Variants in FBLN7 observed in about 807,000 individuals in gnomAD.
FBLN7 encodes the protein fibulin 7.
In FBLN7, 31 loss-of-function variants were observed where a neutral mutation model predicts 44.0. The ratio of observed to expected loss-of-function variants is 0.70; its 90% CI spans 0.53 to 0.95. FBLN7 has a LOEUF of 0.95. FBLN7 is among the 40% of genes least tolerant of loss of function. The pLI is 0.00. For synonymous variants in FBLN7, 262 were observed against 253.4 expected (o/e 1.03, Z -0.32); for missense variants, 573 against 618.5 (o/e 0.93, Z 0.78).
chr2:112,174,282 A>G (rs973188130), intron 3 of FBLN7, among the ~76,000 whole-genome samples: 2 of 152,244 alleles, frequency 1.3e-5, no homozygotes, highest in African/African-American at 4.8e-5. Context: ...AACAGAATGT[A>G]TGAGGGACAG....
the FBLN7 span, among the ~76,000 whole-genome samples, chr2:112,239,617 C>T: frequency 5.7e-5 from 7 of 122,388 alleles, no homozygotes; most frequent in Non-Finnish European, 6.7e-5. Flanking sequence ...TGGATTCTCA[C>T]TCTATTGCCC....
intron 1 of FBLN7, among the ~76,000 whole-genome samples, chr2:112,144,036 C>T (rs1680780031): frequency 6.6e-6 from 1 of 152,162 alleles, no homozygotes; most frequent in South Asian, 2.1e-4. Context: ...ATTATTTTCA[C>T]ATTGCTTAGT....
At position 112,181,875 on chromosome 2, in the gene FBLN7, G is replaced by A. The variant is rs1343370828; in HGVS notation, c.669G>A (p.Gln223=). ...GCGCCGCCGGCGACAGCGTCTGCCA[G>A]GGTAGGCGCGGGCTCCGCCAGGACA... ...LSGAAGDSVC[Q]DVNECELYGQ... The change falls in exon 5 of 8, where the codon CAG becomes CAA. Residue 223 remains glutamine, a splice_region_variant and synonymous_variant. Transcript: ENST00000331203. 5.9e-6 allele frequency: 9 copies of A among 1,533,074 alleles called. No homozygotes were observed. The highest frequency in any genetic ancestry group is 7.0e-6 in the Non-Finnish European group (8 of 1,145,396). 95.0% of individuals were successfully genotyped at this position (1,533,074 alleles called of 1,614,324 possible). A position where few individuals can be genotyped will look rare whatever the true frequency, so the allele number is the denominator to read the frequency against.
At chr2:112,158,391 C>T (rs1312558376) in intron 1 of FBLN7, among the ~76,000 whole-genome samples, 2 of 152,082 alleles carry the variant, frequency 1.3e-5, no homozygotes, top group Non-Finnish European at 1.5e-5. Flanking sequence ...TACAGGCATA[C>T]ATCACCGGGC....
intron 3 of FBLN7, among the ~76,000 whole-genome samples, chr2:112,166,302 C>T (rs181201764): frequency 5.3e-5 from 8 of 152,288 alleles, no homozygotes; most frequent in East Asian, 1.9e-4. Flanking sequence ...CTGCCTGCCT[C>T]GGCCTCCCAA....
In FBLN7 at chr2:112,138,542, C is replaced by T. The variant is rs879160393; in HGVS notation, c.-114C>T. 5 of 1,496,540 alleles carry T rather than the reference C, an allele frequency of 3.3e-6. No individual in the cohort carries two copies. Among genetic ancestry groups the T allele is most frequent in the South Asian group, 1.2e-5 (1 of 83,164 alleles). 92.7% of individuals were successfully genotyped at this position (1,496,540 alleles called of 1,614,324 possible). The stretch of plus-strand genomic sequence containing the variant: ...CCTCCCCCCCTGCCCCAGCCGCCCC[C>T]CGGCCGCGCGGCGCCCCGCACCCTG... On this transcript the variant is annotated 5_prime_UTR_variant, in exon 1 of 8. Coordinates refer to ENST00000331203, the MANE Select transcript of FBLN7 (RefSeq NM_153214.3).
At position 112,138,781 on chromosome 2, in the gene FBLN7, C is replaced by T. The variant is rs571894158; in HGVS notation, c.75+51C>T. ...AGGCCAGTGTCCCTCCCGCCTCTCT[C>T]CAGGCCAGTGTCCCTCCCGCCTCTC... On this transcript the variant is annotated intron_variant, in intron 1 of 7. Coordinates refer to ENST00000331203, the MANE Select transcript of FBLN7 (RefSeq NM_153214.3). 13 of 1,501,468 alleles carry T rather than the reference C, an allele frequency of 8.7e-6. No individual in the cohort carries two copies. In the South Asian group the frequency reaches 1.6e-4, roughly 19 times the overall value. 93.0% of individuals were successfully genotyped at this position (1,501,468 alleles called of 1,614,324 possible). A position where few individuals can be genotyped will look rare whatever the true frequency, so the allele number is the denominator to read the frequency against.
At chr2:112,179,338 G>T (rs997336750) in intron 4 of FBLN7, among the ~76,000 whole-genome samples, 4 of 152,074 alleles carry the variant, frequency 2.6e-5, no homozygotes, top group African/African-American at 9.7e-5. Flanking sequence ...AAAAAAATCA[G>T]AGAAGACACA....
chr2:112,228,699 A>T, the FBLN7 span, among the ~76,000 whole-genome samples: 1 of 152,214 alleles, frequency 6.6e-6, no homozygotes, highest in South Asian at 2.1e-4. Context: ...TCTTAGATAC[A>T]ACACGGAAAG....
chr2:112,160,131 C>T (rs1248415687), intron 2 of FBLN7, among the ~76,000 whole-genome samples: 3 of 152,152 alleles, frequency 2.0e-5, no homozygotes, highest in Admixed American at 6.5e-5. Context: ...GCTGGGACTA[C>T]AGGCGCCCGC....
At chr2:112,243,710 C>T in the FBLN7 span, among the ~76,000 whole-genome samples, 1 of 152,104 alleles carries the variant, frequency 6.6e-6, no homozygotes, top group Non-Finnish European at 1.5e-5. Flanking sequence ...ACGTACATAA[C>T]ATCCTCAATT....
chr2:112,164,618 GCTGGGGCTGAGCCCGGC>G (rs1682043204), intron 2 of FBLN7, among the ~76,000 whole-genome samples: 1 of 152,256 alleles, frequency 6.6e-6, no homozygotes, highest in South Asian at 2.1e-4. Context: ...CAGGCCTGGA[GCTGGGGCTGAGCCCGGC>G]CTGTTCAGGA....
chr2:112,173,172 A>T (rs1268068491), intron 3 of FBLN7, among the ~76,000 whole-genome samples: 1 of 152,216 alleles, frequency 6.6e-6, no homozygotes, highest in Non-Finnish European at 1.5e-5. Flanking sequence ...TGGAAAAACA[A>T]CAGAAGTGAA....
intron 1 of FBLN7, among the ~76,000 whole-genome samples, chr2:112,149,596 G>A (rs72831614): frequency 0.057 from 8,600 of 152,166 alleles, 337 homozygotes; most frequent in African/African-American, 0.11. Flanking sequence ...TGACCCATAG[G>A]GGCAAGGGTT....
chr2:112,218,835 G>A, the FBLN7 span, among the ~76,000 whole-genome samples: 1 of 151,992 alleles, frequency 6.6e-6, no homozygotes, highest in East Asian at 1.9e-4. Flanking sequence ...TTACTGCAGG[G>A]GTCAGTAACC....
intron 1 of FBLN7, among the ~76,000 whole-genome samples, chr2:112,142,693 C>T (rs146376976): frequency 1.9e-4 from 29 of 152,194 alleles, no homozygotes; most frequent in African/African-American, 6.7e-4. Flanking sequence ...CTGGGGTTCC[C>T]GTTTGCTGGC....
At chr2:112,236,563 T>C in the FBLN7 span, 4 of 1,612,924 alleles carry the variant, frequency 2.5e-6, no homozygotes, top group Admixed American at 1.7e-5. Flanking sequence ...TTCCAATACC[T>C]CTTCCTGTGA....
At chr2:112,169,186 T>C (rs1268602424) in intron 3 of FBLN7, among the ~76,000 whole-genome samples, 2 of 152,068 alleles carry the variant, frequency 1.3e-5, no homozygotes, top group Non-Finnish European at 2.9e-5. Flanking sequence ...GCAGGGAGAA[T>C]TGCTTGAACC....
intron 1 of FBLN7, among the ~76,000 whole-genome samples, chr2:112,157,024 G>A (rs1026586440): frequency 1.3e-5 from 2 of 152,032 alleles, no homozygotes; most frequent in Non-Finnish European, 2.9e-5. Context: ...ATTTTAGAGA[G>A]TTTTTTTGAA....
Sources: allele counts gnomAD v4.1 joint callset (sites outside exome capture counted in the v4.1 genomes callset), GRCh38; gene constraint gnomAD v4.1.1; transcripts MANE v1.5; gene names NCBI Gene and HGNC (gene_info 2026-07-23, HGNC 2026-07-21).